The following CYB5R4 variants were observed in gnomAD, a reference collection of about 807,000 sequenced individuals.
CYB5R4 encodes the protein N-terminal cytochrome b5 and cytochrome b5 oxidoreductase domain-containing protein.
In CYB5R4, 55 loss-of-function variants were observed where a neutral mutation model predicts 70.2. The observed-to-expected ratio is 0.78, with a 90% CI of 0.63 to 0.98. CYB5R4 has a LOEUF of 0.98. Among genes scored for constraint, CYB5R4 ranks in the 50% least tolerant of loss-of-function variants. The pLI is 0.00. For missense variants in CYB5R4, 562 were observed against 612.6 expected, an observed-to-expected ratio of 0.92 and a Z score of 0.87; for synonymous variants, 197 against 199.5, an observed-to-expected ratio of 0.99 and a Z score of 0.11.
At chr6:83,891,687 A>G (rs960853265) in intron 2 of CYB5R4, among the ~76,000 whole-genome samples, 1 of 152,158 alleles carries the variant, frequency 6.6e-6, no homozygotes, top group Non-Finnish European at 1.5e-5. Context: ...TTTCGTCTGG[A>G]AAGCATGGGA....
At chr6:83,911,865 G>A (rs550191626) in intron 4 of CYB5R4, among the ~76,000 whole-genome samples, 4 of 151,706 alleles carry the variant, frequency 2.6e-5, no homozygotes, top group Non-Finnish European at 4.4e-5. Flanking sequence ...GCTACATAGC[G>A]AAACCCTGTC....
In CYB5R4 at chr6:83,864,215, G is replaced by A. The variant is rs780727605; in HGVS notation, c.116G>A (p.Arg39Gln). The change falls in exon 2 of 16, where the codon CGA (arginine) becomes CAA (glutamine). Residue 39 changes from arginine (R) to glutamine (Q), a missense_variant. Transcript: ENST00000369681. ...KQGRSLMDWI[R>Q]LTKSGKDLTG... ...GGCAGAAGCCTTATGGATTGGATTCGACTGACCAAAAGTGGAAAGGATCTA... is the reference window on the plus strand; with the variant it reads ...GGCAGAAGCCTTATGGATTGGATTCAACTGACCAAAAGTGGAAAGGATCTA... The A allele has an allele frequency of 5.6e-6, 9 of 1,612,044 alleles. No homozygotes were observed. The highest frequency in any genetic ancestry group is 3.3e-4 in the Middle Eastern group (2 of 6,048).
At chr6:83,908,281 T>C (rs1170819771) in intron 3 of CYB5R4, among the ~76,000 whole-genome samples, 1 of 152,174 alleles carries the variant, frequency 6.6e-6, no homozygotes, top group African/African-American at 2.4e-5. Flanking sequence ...TCTTCTTCTT[T>C]TTTTAATTTA....
intron 1 of CYB5R4, among the ~76,000 whole-genome samples, chr6:83,861,749 C>T (rs1038408186): frequency 3.9e-5 from 6 of 152,230 alleles, no homozygotes; most frequent in African/African-American, 1.4e-4. Flanking sequence ...TGACATTGAA[C>T]TGGAATAGTT....
chr6:83,901,320 T>G (rs1005756104), intron 3 of CYB5R4, among the ~76,000 whole-genome samples: 1 of 152,270 alleles, frequency 6.6e-6, no homozygotes, highest in Admixed American at 6.5e-5. Context: ...GTAGAGTTTC[T>G]GCCGAGAGAT....
Position 83,961,510 on chromosome 6 carries a change from A to T in CYB5R4, c.*1632A>T, listed in dbSNP as rs2099473338. 1 of 151,548 alleles carries T rather than the reference A, an allele frequency of 6.6e-6. No individual in the cohort carries two copies. Among genetic ancestry groups the T allele is most frequent in the Non-Finnish European group, 1.5e-5 (1 of 67,882 alleles). The allele number at this position is 151,548 out of a possible 1,614,324, so 9.4% of individuals were successfully genotyped here. ...AGATCTGATGGTTTAAAAGTGTGGC[A>T]CTTCCTCCCCACCTCCTGCTGTATT... On this transcript the variant is annotated 3_prime_UTR_variant, in exon 16 of 16. Transcript: ENST00000369681.
chr6:83,894,609 C>T (rs1174257016), intron 3 of CYB5R4, among the ~76,000 whole-genome samples: 2 of 152,128 alleles, frequency 1.3e-5, no homozygotes, highest in Non-Finnish European at 2.9e-5. Flanking sequence ...CTTTTAACTT[C>T]CCAAAAACTT....
At chr6:83,887,670 A>G (rs1389822000) in intron 2 of CYB5R4, among the ~76,000 whole-genome samples, 1 of 152,004 alleles carries the variant, frequency 6.6e-6, no homozygotes, top group Non-Finnish European at 1.5e-5. Context: ...TTTAGTTTTA[A>G]TAAGTGGCTC....
chr6:83,869,037 A>AT (rs2129128336), intron 2 of CYB5R4, among the ~76,000 whole-genome samples: 1 of 152,294 alleles, frequency 6.6e-6, no homozygotes, highest in South Asian at 2.1e-4. Flanking sequence ...ATTTTAATGG[A>AT]TTTTACTTAT....
chr6:83,918,012 TC>T lies in CYB5R4; in HGVS notation c.456del (p.Lys153ArgfsTer4), dbSNP rs1380793837. On this transcript the variant is annotated frameshift_variant, in exon 6 of 16. Transcript: ENST00000369681. LOFTEE classifies it high-confidence loss of function. ...EEKKVLNGML[P>X]KSQVTDTLAK... ...CTATCTTTCTTTGTAAAGGCATGCT[TC>T]CCAAGAGCCAAGTGACAGATACACT... 6.2e-7 allele frequency: 1 copy of T among 1,610,716 alleles called. No individual in the cohort carries two copies. Among genetic ancestry groups the T allele is most frequent in the Non-Finnish European group, 8.5e-7 (1 of 1,177,436 alleles).
chr6:83,950,934 A>C (rs939936647), intron 14 of CYB5R4, among the ~76,000 whole-genome samples: 10 of 152,144 alleles, frequency 6.6e-5, no homozygotes, highest in Non-Finnish European at 1.2e-4. Flanking sequence ...GAATATTTTC[A>C]ACAGGTGGTT....
chr6:83,909,134 A>G, intron 4 of CYB5R4, 44 bp downstream of exon 4: 1 of 1,530,688 alleles, frequency 6.5e-7, no homozygotes, highest in Non-Finnish European at 9.0e-7. Context: ...TGTGGTGCAC[A>G]TGTATTTTTT....
At chr6:83,957,609 C>T (rs370013739) in intron 15 of CYB5R4, among the ~76,000 whole-genome samples, 11 of 117,768 alleles carry the variant, frequency 9.3e-5, no homozygotes, top group African/African-American at 2.8e-4. Context: ...GCAACAAGAG[C>T]GAAACTCTGT....
rs1381272483 is a variant in CYB5R4, at chr6:83,934,584, T to A, written c.815-11T>A. ...TTATGTATCAATAAGAGAAAATGAA[T>A]CACTTTTTAGGTTTGTACTACAGAA... On this transcript the variant is annotated splice_polypyrimidine_tract_variant and intron_variant, in intron 10 of 15. Transcript: ENST00000369681. The A allele has an allele frequency of 1.3e-6, 2 of 1,587,516 alleles. No homozygotes were observed. The highest frequency in any genetic ancestry group is 1.7e-5 in the Admixed American group (1 of 57,912).
intron 14 of CYB5R4, among the ~76,000 whole-genome samples, chr6:83,950,281 C>T (rs2099471319): frequency 6.6e-6 from 1 of 152,162 alleles, no homozygotes; most frequent in Non-Finnish European, 1.5e-5. Flanking sequence ...CATTCCAAGT[C>T]TAGCAAAATC....
chr6:83,924,839 G>A (rs573340235), intron 10 of CYB5R4, among the ~76,000 whole-genome samples: 2 of 152,222 alleles, frequency 1.3e-5, no homozygotes, highest in East Asian at 3.9e-4. Context: ...GAATGAAGAA[G>A]CCCACTTGTG....
intron 3 of CYB5R4, among the ~76,000 whole-genome samples, chr6:83,895,405 C>T (rs2099461717): frequency 6.6e-6 from 1 of 152,084 alleles, no homozygotes; most frequent in African/African-American, 2.4e-5. Flanking sequence ...GCCTTAAGTA[C>T]TCTGCCTGCC....
At chr6:83,886,622 A>T (rs1446432644) in intron 2 of CYB5R4, among the ~76,000 whole-genome samples, 1 of 152,208 alleles carries the variant, frequency 6.6e-6, no homozygotes, top group Non-Finnish European at 1.5e-5. Flanking sequence ...ACCTAGGGGT[A>T]GGGTGGATGG....
intron 10 of CYB5R4, among the ~76,000 whole-genome samples, chr6:83,927,259 C>T (rs771682554): frequency 4.6e-5 from 7 of 152,026 alleles, no homozygotes; most frequent in Non-Finnish European, 7.4e-5. Context: ...CTAGTCTTAC[C>T]GCTCCACTCA....
Sources: gnomAD v4.1 joint callset for allele counts (sites outside exome capture counted in the v4.1 genomes callset) on GRCh38, gnomAD v4.1.1 for gene constraint, MANE v1.5 for transcripts, NCBI Gene and HGNC (gene_info 2026-07-23, HGNC 2026-07-21) for gene names.